COX7B2: variants seen among roughly 807,000 people sequenced by gnomAD.
The protein encoded by COX7B2 is cytochrome c oxidase subunit 7B2.
For synonymous variants in COX7B2, 37 were observed against 32.1 expected, an observed-to-expected ratio of 1.15 and a Z score of -0.51; for missense variants, 109 against 95.9, an observed-to-expected ratio of 1.14 and a Z score of -0.57.
intron 2 of COX7B2, among the ~76,000 whole-genome samples, chr4:46,821,891 A>T (rs763397520): frequency 6.6e-6 from 1 of 150,684 alleles, no homozygotes; most frequent in Non-Finnish European, 1.5e-5. Context: ...GAGGTTATTC[A>T]TTTTTTTTTG....
intron 1 of COX7B2, among the ~76,000 whole-genome samples, chr4:46,846,212 T>A (rs954162176): frequency 6.6e-6 from 1 of 152,060 alleles, no homozygotes; most frequent in Non-Finnish European, 1.5e-5. Context: ...AACAAATACT[T>A]AATGAGCATC....
At chr4:46,758,828 T>C (rs528738560) in intron 2 of COX7B2, among the ~76,000 whole-genome samples, 46 of 152,216 alleles carry the variant, frequency 3.0e-4, no homozygotes, top group African/African-American at 9.6e-4. Context: ...AGCCTAGGCC[T>C]AAGATAGAAA....
chr4:46,873,064 C>T (rs1043575358), intron 1 of COX7B2, among the ~76,000 whole-genome samples: 1 of 143,922 alleles, frequency 6.9e-6, no homozygotes, highest in Non-Finnish European at 1.5e-5. Flanking sequence ...TGAGTGAGAA[C>T]ATGCAGTGTT....
chr4:46,908,571 A>G (rs1489563357), intron 1 of COX7B2, among the ~76,000 whole-genome samples: 1 of 152,168 alleles, frequency 6.6e-6, no homozygotes, highest in Non-Finnish European at 1.5e-5. Flanking sequence ...CACTTTAGCC[A>G]TGCCAGAAGA....
chr4:46,869,741 G>A (rs1717873461), intron 1 of COX7B2, among the ~76,000 whole-genome samples: 1 of 152,026 alleles, frequency 6.6e-6, no homozygotes, highest in African/African-American at 2.4e-5. Flanking sequence ...TGAGAGGTCT[G>A]CTGTTAGCCT....
intron 2 of COX7B2, among the ~76,000 whole-genome samples, chr4:46,777,033 T>A (rs192157116): frequency 1.3e-5 from 2 of 152,282 alleles, no homozygotes; most frequent in South Asian, 4.1e-4. Flanking sequence ...AATATAAATA[T>A]GCTAAAGATG....
intron 2 of COX7B2, among the ~76,000 whole-genome samples, chr4:46,760,908 T>C (rs1056975802): frequency 1.3e-5 from 2 of 152,192 alleles, no homozygotes; most frequent in Non-Finnish European, 2.9e-5. Flanking sequence ...AAGTTTTTGA[T>C]GTGTTTGAAG....
At chr4:46,809,390 T>A (rs1325446811) in intron 2 of COX7B2, among the ~76,000 whole-genome samples, 1 of 151,906 alleles carries the variant, frequency 6.6e-6, no homozygotes, top group Non-Finnish European at 1.5e-5. Context: ...TATTTCTTCT[T>A]TTTAATGTAG....
At chr4:46,800,203 T>G (rs771642630) in intron 2 of COX7B2, among the ~76,000 whole-genome samples, 1 of 152,148 alleles carries the variant, frequency 6.6e-6, no homozygotes, top group African/African-American at 2.4e-5. Context: ...CAAAGCAATT[T>G]ACAGATTCGA....
At chr4:46,861,537 A>G (rs185400054) in intron 1 of COX7B2, among the ~76,000 whole-genome samples, 4 of 152,338 alleles carry the variant, frequency 2.6e-5, no homozygotes, top group African/African-American at 7.2e-5. Flanking sequence ...TAAAAAAAAG[A>G]AACTCATTTC....
intron 1 of COX7B2, among the ~76,000 whole-genome samples, chr4:46,884,132 G>T (rs1424548608): frequency 6.8e-6 from 1 of 147,214 alleles, no homozygotes; most frequent in Non-Finnish European, 1.5e-5. Context: ...ACTAGCCCAA[G>T]AGTCAAAATT....
At chr4:46,789,018 G>C (rs1717898186) in intron 2 of COX7B2, among the ~76,000 whole-genome samples, 1 of 152,076 alleles carries the variant, frequency 6.6e-6, no homozygotes, top group Non-Finnish European at 1.5e-5. Flanking sequence ...GTCAACCCTG[G>C]TGTATTTAAA....
chr4:46,752,014 G>A (rs1715415255), intron 2 of COX7B2, among the ~76,000 whole-genome samples: 1 of 152,050 alleles, frequency 6.6e-6, no homozygotes. Flanking sequence ...TGGGCAGTAT[G>A]GCTATTTTCA....
At chr4:46,763,042 A>T (rs1039509668) in intron 2 of COX7B2, among the ~76,000 whole-genome samples, 3 of 135,402 alleles carry the variant, frequency 2.2e-5, no homozygotes, top group Non-Finnish European at 4.6e-5. Flanking sequence ...AATATATATT[A>T]TATATTATAA....
intron 2 of COX7B2, among the ~76,000 whole-genome samples, chr4:46,742,004 T>C (rs1714745533): frequency 5.3e-5 from 8 of 152,170 alleles, no homozygotes. Context: ...AGAAGCATTT[T>C]AGGAAGACCA....
chr4:46,778,915 A>G (rs933128482), intron 2 of COX7B2, among the ~76,000 whole-genome samples: 1 of 152,206 alleles, frequency 6.6e-6, no homozygotes, highest in Admixed American at 6.5e-5. Context: ...ATTCAATAAT[A>G]CACTGAGTTT....
At chr4:46,813,566 G>T (rs1719396035) in intron 2 of COX7B2, among the ~76,000 whole-genome samples, 1 of 152,148 alleles carries the variant, frequency 6.6e-6, no homozygotes, top group African/African-American at 2.4e-5. Context: ...GGGGTGGAGG[G>T]CAAGGAAAGG....
chr4:46,812,714 G>T (rs879825592), intron 2 of COX7B2, among the ~76,000 whole-genome samples: 1 of 152,072 alleles, frequency 6.6e-6, no homozygotes, highest in Non-Finnish European at 1.5e-5. Flanking sequence ...TGGGCTTTTC[G>T]ACCTGAAGGT....
In COX7B2 at chr4:46,905,816, T is replaced by TTTTC. The variant is rs1454185271; in HGVS notation, c.-105+3343_-105+3344insGAAA. Among the ~76,000 whole-genome samples, 489 of 101,662 alleles carry TTTTC rather than the reference T, an allele frequency of 4.8e-3. 5 individuals carry two copies. The highest frequency in any genetic ancestry group is 0.018 in the African/African-American group (458 of 24,842). 66.7% of individuals were successfully genotyped at this position (101,662 alleles called of 152,430 possible). On this transcript the variant is annotated intron_variant, in intron 1 of 2. Transcript: ENST00000355591. ...CCATCTCTGATAAGCATATATTTCT[T>TTTTC]TTTTTTTTTTTTTTTTTTTTTTTTG...
Sources: gnomAD v4.1 joint callset for allele counts (sites outside exome capture counted in the v4.1 genomes callset) on GRCh38, gnomAD v4.1.1 for gene constraint, MANE v1.5 for transcripts, NCBI Gene and HGNC (gene_info 2026-07-23, HGNC 2026-07-21) for gene names.